BRD4: variants seen among roughly 807,000 people sequenced by gnomAD.
BRD4 encodes the protein bromodomain containing 4.
Under a neutral mutation model 142.1 loss-of-function variants are expected in BRD4, and 16 were observed. The observed-to-expected ratio is 0.11, with a 90% CI of 0.08 to 0.17. BRD4 has a LOEUF of 0.17. Ranked by LOEUF, BRD4 falls within the 10% of genes least tolerant of loss-of-function variation. The pLI, the probability that BRD4 is intolerant of heterozygous loss-of-function variation, is 1.00. For synonymous variants in BRD4, 833 were observed against 707.5 expected, an observed-to-expected ratio of 1.18 and a Z score of -2.82; for missense variants, 1,424 against 1,810.9, an observed-to-expected ratio of 0.79 and a Z score of 3.88.
At chr19:15,325,114 T>C (rs901369630) in intron 1 of BRD4, among the ~76,000 whole-genome samples, 1 of 152,120 alleles carries the variant, frequency 6.6e-6, no homozygotes, top group Non-Finnish European at 1.5e-5. Flanking sequence ...TAGCTAACCT[T>C]GAGAGGGCAC....
chr19:15,239,886 CTA>C lies in BRD4; in HGVS notation c.3282+22_3282+23del. 1 of 1,614,088 alleles carries C rather than the reference CTA, an allele frequency of 6.2e-7. No homozygotes were observed. ...GCACCCCCGGCCCTAGCCCACAGGA[CTA>C]TGGCCCAGCCCTGCCAGTTACCTGT... On this transcript the variant is annotated intron_variant, in intron 15 of 19. Coordinates refer to ENST00000679869, the MANE Select transcript of BRD4 (RefSeq NM_001379291.1). The surrounding 1 kb of genome is among the most constrained non-coding windows in gnomAD (Gnocchi z 7.4).
chr19:15,284,715 G>C (rs1280780282), intron 1 of BRD4, among the ~76,000 whole-genome samples: 1 of 152,146 alleles, frequency 6.6e-6, no homozygotes, highest in Non-Finnish European at 1.5e-5. Context: ...TGCTGGAGAG[G>C]GATGCTTGGA....
intron 1 of BRD4, among the ~76,000 whole-genome samples, chr19:15,277,551 G>A (rs2047660472): frequency 6.6e-6 from 1 of 151,318 alleles, no homozygotes; most frequent in Admixed American, 6.6e-5. Flanking sequence ...GGAGGCCATG[G>A]CAGGTGGATC....
chr19:15,307,039 C>T (rs1456286565), intron 1 of BRD4, among the ~76,000 whole-genome samples: 1 of 152,138 alleles, frequency 6.6e-6, no homozygotes, highest in Non-Finnish European at 1.5e-5. Flanking sequence ...TATACCTATA[C>T]ATGCAACAAA....
Position 15,255,597 on chromosome 19 carries a change from G to A in BRD4, c.1752-5C>T, listed in dbSNP as rs201105868. On this transcript the variant is annotated splice_region_variant and splice_polypyrimidine_tract_variant and intron_variant, in intron 9 of 19. Coordinates refer to ENST00000679869, the MANE Select transcript of BRD4 (RefSeq NM_001379291.1). ...ATGGGCGCTGGCTCCTTCTTGCTAC[G>A]AAGGGACGATGCAGACACCATCAAG... 18 of 1,599,108 alleles carry A rather than the reference G, an allele frequency of 1.1e-5. No individual in the cohort carries two copies. The highest frequency in any genetic ancestry group is 2.2e-5 in the East Asian group (1 of 44,528).
chr19:15,264,109 G>C, intron 6 of BRD4: 1 of 365,408 alleles, frequency 2.7e-6, no homozygotes, highest in South Asian at 5.5e-5. Context: ...TACTGTGTGG[G>C]CAAGGTACCT....
intron 1 of BRD4, among the ~76,000 whole-genome samples, chr19:15,281,392 G>T (rs2047703206): frequency 6.6e-6 from 1 of 152,202 alleles, no homozygotes; most frequent in Non-Finnish European, 1.5e-5. Context: ...CCACTGGAGG[G>T]GACACAGGCA....
chr19:15,248,457 T>C (rs117955143), intron 11 of BRD4: 3,185 of 219,032 alleles, frequency 0.015, 38 homozygotes, highest in Non-Finnish European at 0.02. Context: ...GGGGGGATGA[T>C]AGGCCCAAGG....
chr19:15,251,060 T>A (rs1385306819), intron 11 of BRD4, among the ~76,000 whole-genome samples: 3 of 152,198 alleles, frequency 2.0e-5, no homozygotes, highest in South Asian at 4.2e-4. Flanking sequence ...TCAGAGGAAG[T>A]GGTAGGGCTG....
chr19:15,253,489 G>A (rs1360929400), intron 11 of BRD4: 2 of 1,450,310 alleles, frequency 1.4e-6, no homozygotes, highest in East Asian at 4.9e-5. Flanking sequence ...GGCTTGAAAA[G>A]AAGGGACTGT....
intron 11 of BRD4, chr19:15,248,118 C>T (rs2047307700): frequency 1.4e-5 from 3 of 218,408 alleles, no homozygotes; most frequent in Admixed American, 5.8e-5. Context: ...GCCCCTGAAA[C>T]GCAGATGCAG....
intron 1 of BRD4, among the ~76,000 whole-genome samples, chr19:15,311,901 A>G (rs752404896): frequency 6.6e-6 from 1 of 152,256 alleles, no homozygotes; most frequent in Non-Finnish European, 1.5e-5. Context: ...CAGAAAGTAG[A>G]AGACTGGCTG....
chr19:15,307,426 A>G (rs2047923821), intron 1 of BRD4, among the ~76,000 whole-genome samples: 1 of 152,150 alleles, frequency 6.6e-6, no homozygotes, highest in Non-Finnish European at 1.5e-5. Context: ...TCCAAATTCC[A>G]GTGGGTGAAT....
At chr19:15,268,626 G>A (rs1026778904) in intron 3 of BRD4, among the ~76,000 whole-genome samples, 9 of 152,060 alleles carry the variant, frequency 5.9e-5, no homozygotes, top group Non-Finnish European at 1.0e-4. Flanking sequence ...ACATGCTCAG[G>A]AACCAAAATC....
At chr19:15,249,891 C>CT (rs1599441782) in intron 11 of BRD4, among the ~76,000 whole-genome samples, 2 of 152,272 alleles carry the variant, frequency 1.3e-5, no homozygotes, top group East Asian at 3.9e-4. Context: ...AGCTCAAACT[C>CT]TAAAAAGCAG....
At chr19:15,314,150 AT>A (rs1406956800) in intron 1 of BRD4, among the ~76,000 whole-genome samples, 10 of 152,252 alleles carry the variant, frequency 6.6e-5, no homozygotes, top group South Asian at 4.1e-4. Flanking sequence ...CGCACTTCAC[AT>A]TTTCCACACA....
At chr19:15,287,944 T>A (rs540189745) in intron 1 of BRD4, among the ~76,000 whole-genome samples, 45 of 152,214 alleles carry the variant, frequency 3.0e-4, no homozygotes, top group African/African-American at 9.9e-4. Flanking sequence ...AATTTCTGTA[T>A]TTTTAGTAGG....
chr19:15,248,789 T>A (rs941070695), intron 11 of BRD4: 8 of 240,464 alleles, frequency 3.3e-5, no homozygotes, highest in African/African-American at 1.8e-4. Context: ...GAGGTCAGAG[T>A]GTTCTTCCGC....
chr19:15,272,682 C>T, intron 2 of BRD4, 133 bp downstream of exon 2: 1 of 801,668 alleles, frequency 1.2e-6, no homozygotes. Context: ...AAACCACTCA[C>T]TCAAGGGCCC....
Sources: allele counts gnomAD v4.1 joint callset (sites outside exome capture counted in the v4.1 genomes callset), GRCh38; gene constraint gnomAD v4.1.1; non-coding constraint Gnocchi (gnomAD v3.1); transcripts MANE v1.5; gene names NCBI Gene and HGNC (gene_info 2026-07-23, HGNC 2026-07-21).